Variants in AFF2 observed in about 807,000 individuals in gnomAD.
AFF2 encodes the protein ALF transcription elongation factor 2.
In AFF2, 14 loss-of-function variants were observed where a neutral mutation model predicts 76.9. The observed-to-expected ratio is 0.18, with a 90% CI of 0.12 to 0.28. AFF2 has a LOEUF of 0.28. Ranked by LOEUF, AFF2 falls within the 10% of genes least tolerant of loss-of-function variation. The probability of loss-of-function intolerance (pLI) is 1.00; values close to 1 mark genes in which losing one functional copy is unlikely to be tolerated. For missense variants in AFF2, 868 were observed against 1,001.1 expected (o/e 0.87, Z 1.79); for synonymous variants, 398 against 366.7 (o/e 1.09, Z -0.98).
At chrX:148,506,767 C>G (rs782468668) in intron 1 of AFF2, among the ~76,000 whole-genome samples, 1 of 111,525 alleles carries the variant, frequency 9.0e-6, no homozygotes, top group Non-Finnish European at 1.9e-5. Context: ...GCTTTCTAAT[C>G]TTACCATATG....
intron 1 of AFF2, among the ~76,000 whole-genome samples, chrX:148,517,353 T>C (rs1229126105): frequency 9.0e-6 from 1 of 111,731 alleles, no homozygotes; most frequent in Non-Finnish European, 1.9e-5. Flanking sequence ...GAGATCAGCA[T>C]AGGAGATGGA....
chrX:148,658,804 C>A (rs1290734379), intron 2 of AFF2, among the ~76,000 whole-genome samples: 1 of 112,264 alleles, frequency 8.9e-6, no homozygotes, highest in African/African-American at 3.2e-5. Flanking sequence ...ATCATAGTAA[C>A]GAAGTTAGCC....
At chrX:148,966,651 C>G (rs2072176857) in intron 13 of AFF2, 139 bp from the exon 14 acceptor site, 1 of 1,092,773 alleles carries the variant, frequency 9.2e-7, no homozygotes, top group Non-Finnish European at 1.2e-6. Flanking sequence ...CCTATTTATC[C>G]TCAAGCTGTG....
chrX:148,889,999 A>G (rs1397282231), intron 8 of AFF2, among the ~76,000 whole-genome samples: 1 of 111,856 alleles, frequency 8.9e-6, no homozygotes, highest in Non-Finnish European at 1.9e-5. Context: ...TGATCTAAAA[A>G]GCTTCACATT....
chrX:148,825,656 A>G (rs782275328), intron 4 of AFF2, among the ~76,000 whole-genome samples: 1 of 107,478 alleles, frequency 9.3e-6, no homozygotes, highest in Non-Finnish European at 1.9e-5. Flanking sequence ...CAAATTGTCA[A>G]ATTTGTTTAA....
intron 7 of AFF2, among the ~76,000 whole-genome samples, chrX:148,871,288 T>C (rs1423987000): frequency 9.0e-6 from 1 of 111,048 alleles, no homozygotes; most frequent in Non-Finnish European, 1.9e-5. Flanking sequence ...TACAGGGCCC[T>C]GATAGGAGCC....
At chrX:148,517,063 T>C (rs556737623) in intron 1 of AFF2, among the ~76,000 whole-genome samples, 1 of 112,153 alleles carries the variant, frequency 8.9e-6, no homozygotes, top group East Asian at 2.8e-4. Context: ...TCAACAAATA[T>C]ATTCTGGGTG....
chrX:148,861,605 T>C (rs1040854079), intron 7 of AFF2, among the ~76,000 whole-genome samples: 4 of 110,882 alleles, frequency 3.6e-5, no homozygotes, highest in African/African-American at 1.3e-4. Context: ...GGCTATAGAA[T>C]TTTTTTTCCC....
intron 7 of AFF2, among the ~76,000 whole-genome samples, chrX:148,883,663 G>A (rs939595799): frequency 9.0e-6 from 1 of 111,214 alleles, no homozygotes; most frequent in Non-Finnish European, 1.9e-5. Flanking sequence ...GTACACTCTA[G>A]GAAAACCTTG....
intron 7 of AFF2, among the ~76,000 whole-genome samples, chrX:148,883,844 C>T (rs1469881825): frequency 1.8e-5 from 2 of 111,001 alleles, no homozygotes; most frequent in Admixed American, 9.6e-5. Context: ...GACCAAATTC[C>T]GTGCTGCTGG....
chrX:148,501,050 C>T lies in AFF2; in HGVS notation c.-48C>T. ...AGCTGTGCCGAGAGCCGCGCCGACC[C>T]GCTGCGATCAGGGACAGGCGCCCGC... On this transcript the variant is annotated 5_prime_UTR_variant, in exon 1 of 21. Transcript: ENST00000370460. The T allele has an allele frequency of 8.3e-7, 1 of 1,200,538 alleles. No individual in the cohort carries two copies. The highest frequency in any genetic ancestry group is 1.1e-6 in the Non-Finnish European group (1 of 891,084).
At chrX:148,883,714 T>C (rs1431360519) in intron 7 of AFF2, among the ~76,000 whole-genome samples, 2 of 111,156 alleles carry the variant, frequency 1.8e-5, no homozygotes, top group African/African-American at 6.5e-5. Flanking sequence ...AGGTTCCATG[T>C]TTGTCTCCGT....
intron 1 of AFF2, among the ~76,000 whole-genome samples, chrX:148,588,420 G>C (rs1274673763): frequency 2.7e-5 from 3 of 112,429 alleles, no homozygotes; most frequent in Admixed American, 9.4e-5. Context: ...CAACAAACCA[G>C]AGGGAAACTG....
intron 1 of AFF2, among the ~76,000 whole-genome samples, chrX:148,626,239 A>T (rs1367503503): frequency 9.1e-6 from 1 of 109,945 alleles, no homozygotes; most frequent in Admixed American, 9.8e-5. Flanking sequence ...CTTTGTGGTT[A>T]TTTGTGTTAA....
chrX:148,741,125 C>T (rs2055345441), intron 3 of AFF2, among the ~76,000 whole-genome samples: 1 of 111,662 alleles, frequency 9.0e-6, no homozygotes, highest in Non-Finnish European at 1.9e-5. Flanking sequence ...GCTGGTTGAC[C>T]TCCTGCCAGG....
chrX:148,921,372 C>T (rs1488742860), intron 9 of AFF2, among the ~76,000 whole-genome samples: 3 of 112,169 alleles, frequency 2.7e-5, no homozygotes, highest in Non-Finnish European at 3.8e-5. Context: ...ATTTCTCTCA[C>T]CCCCCAAGGG....
At chrX:148,696,444 A>T (rs1265619542) in intron 3 of AFF2, among the ~76,000 whole-genome samples, 4 of 110,914 alleles carry the variant, frequency 3.6e-5, no homozygotes, top group Admixed American at 2.9e-4. Flanking sequence ...AACTTAAAGT[A>T]TAATAATAAA....
At chrX:148,835,702 C>T (rs140075195) in intron 4 of AFF2, among the ~76,000 whole-genome samples, 1,878 of 109,672 alleles carry the variant, frequency 0.017, 44 homozygotes, top group African/African-American at 0.059. Flanking sequence ...CCAGGATGGT[C>T]TCGATCTCTT....
chrX:148,869,293 C>G (rs1306484887), intron 7 of AFF2, among the ~76,000 whole-genome samples: 1 of 111,389 alleles, frequency 9.0e-6, no homozygotes. Context: ...TGTTCCTGAA[C>G]TAGATCATGG....
Sources: allele counts gnomAD v4.1 joint callset (sites outside exome capture counted in the v4.1 genomes callset), GRCh38; gene constraint gnomAD v4.1.1; transcripts MANE v1.5; gene names NCBI Gene and HGNC (gene_info 2026-07-23, HGNC 2026-07-21).